The following LDLRAD4 variants were observed in gnomAD, a reference collection of about 807,000 sequenced individuals.
The protein encoded by LDLRAD4 is low density lipoprotein receptor class A domain containing 4.
Under a neutral mutation model 17.0 loss-of-function variants are expected in LDLRAD4, and 5 were observed. The ratio of observed to expected loss-of-function variants is 0.29; its 90% confidence interval spans 0.15 to 0.62. The LOEUF (loss-of-function observed/expected upper bound fraction) is 0.62, where lower values mean the gene tolerates loss of function less well. LDLRAD4 is among the 20% of genes least tolerant of loss of function. The pLI, the probability that LDLRAD4 is intolerant of heterozygous loss-of-function variation, is 0.84. For synonymous variants in LDLRAD4, 168 were observed against 171.8 expected (o/e 0.98, Z 0.17); for missense variants, 340 against 424.7 (o/e 0.80, Z 1.75).
At chr18:13,593,559 ATCTG>A (rs1399802988) in intron 3 of LDLRAD4, among the ~76,000 whole-genome samples, 7 of 151,028 alleles carry the variant, frequency 4.6e-5, no homozygotes, top group East Asian at 1.9e-4. Flanking sequence ...TTATCTATCT[ATCTG>A]TCTGTCCGTC....
intron 1 of LDLRAD4, among the ~76,000 whole-genome samples, chr18:13,379,240 A>G: frequency 6.6e-6 from 1 of 152,172 alleles, no homozygotes; most frequent in South Asian, 2.1e-4. Flanking sequence ...CATGTTTGAA[A>G]CAGTGTGGGG....
At chr18:13,426,789 T>C (rs2089970105) in intron 2 of LDLRAD4, among the ~76,000 whole-genome samples, 1 of 152,010 alleles carries the variant, frequency 6.6e-6, no homozygotes. Context: ...ATAAAAGAGG[T>C]ATGAAGATGC....
At chr18:13,564,580 TAAAAAAAAAAA>T (rs367805996) in intron 3 of LDLRAD4, among the ~76,000 whole-genome samples, 29 of 82,464 alleles carry the variant, frequency 3.5e-4, no homozygotes, top group Non-Finnish European at 6.2e-4. Flanking sequence ...TCCCATTTTC[TAAAAAAAAAAA>T]AAAAAAAAAA....
intron 1 of LDLRAD4, among the ~76,000 whole-genome samples, chr18:13,258,461 G>A (rs1393370640): frequency 6.6e-6 from 1 of 151,844 alleles, no homozygotes; most frequent in African/African-American, 2.4e-5. Flanking sequence ...GCCTCTATTT[G>A]AATATTTTAT....
At chr18:13,505,626 T>C (rs978082806) in intron 3 of LDLRAD4, among the ~76,000 whole-genome samples, 1 of 152,258 alleles carries the variant, frequency 6.6e-6, no homozygotes, top group East Asian at 1.9e-4. Context: ...GAGACCATCC[T>C]GGCTAGCACG....
chr18:13,340,001 T>G (rs1483598013), intron 1 of LDLRAD4, among the ~76,000 whole-genome samples: 1 of 152,198 alleles, frequency 6.6e-6, no homozygotes, highest in East Asian at 1.9e-4. Context: ...TGAATTTGAT[T>G]ACTCTAGGAG....
At chr18:13,291,933 AC>A (rs2045985834) in intron 1 of LDLRAD4, among the ~76,000 whole-genome samples, 1 of 152,122 alleles carries the variant, frequency 6.6e-6, no homozygotes, top group Non-Finnish European at 1.5e-5. Context: ...CTGCTTGGTT[AC>A]TTTTTGAGCC....
chr18:13,345,256 A>G (rs2082613590), intron 1 of LDLRAD4, among the ~76,000 whole-genome samples: 1 of 152,202 alleles, frequency 6.6e-6, no homozygotes, highest in African/African-American at 2.4e-5. Flanking sequence ...GATACATCCC[A>G]TGAATACCTA....
chr18:13,573,139 C>T (rs970100837), intron 3 of LDLRAD4, among the ~76,000 whole-genome samples: 6 of 152,176 alleles, frequency 3.9e-5, no homozygotes, highest in African/African-American at 1.2e-4. Flanking sequence ...GAGTCTCGCT[C>T]TGTTGCCCAG....
chr18:13,306,524 C>T (rs1273775851), intron 1 of LDLRAD4, among the ~76,000 whole-genome samples: 1 of 152,096 alleles, frequency 6.6e-6, no homozygotes, highest in Non-Finnish European at 1.5e-5. Context: ...CTCATATCAG[C>T]CTCTAGATCA....
intron 3 of LDLRAD4, among the ~76,000 whole-genome samples, chr18:13,533,381 T>C (rs528638955): frequency 2.6e-5 from 4 of 152,326 alleles, no homozygotes; most frequent in African/African-American, 9.6e-5. Context: ...AACATTGCAA[T>C]GAGCAGATCT....
intron 1 of LDLRAD4, among the ~76,000 whole-genome samples, chr18:13,227,042 C>G (rs1006503349): frequency 2.6e-5 from 4 of 152,112 alleles, no homozygotes; most frequent in Non-Finnish European, 5.9e-5. Flanking sequence ...TAGTCTTGCC[C>G]CTAAGGATGC....
intron 3 of LDLRAD4, among the ~76,000 whole-genome samples, chr18:13,528,216 A>G (rs1046195979): frequency 6.6e-6 from 1 of 152,232 alleles, no homozygotes; most frequent in African/African-American, 2.4e-5. Flanking sequence ...AGTGACTCCT[A>G]GCCCACATCT....
chr18:13,358,499 G>A (rs982631462), intron 1 of LDLRAD4, among the ~76,000 whole-genome samples: 4 of 152,046 alleles, frequency 2.6e-5, no homozygotes, highest in Non-Finnish European at 4.4e-5. Flanking sequence ...GGACATGGGG[G>A]ATGATGGTTA....
intron 1 of LDLRAD4, among the ~76,000 whole-genome samples, chr18:13,299,216 G>A (rs2046446300): frequency 1.3e-5 from 2 of 152,230 alleles, no homozygotes; most frequent in Non-Finnish European, 2.9e-5. Context: ...CCCTCTTTCT[G>A]AAATAGACAC....
At chr18:13,495,433 A>G (rs1348950129) in intron 3 of LDLRAD4, among the ~76,000 whole-genome samples, 5 of 152,216 alleles carry the variant, frequency 3.3e-5, no homozygotes, top group African/African-American at 1.2e-4. Flanking sequence ...TCAGTCAACA[A>G]ATGTTTTCTA....
At chr18:13,322,133 A>C (rs867151532) in intron 1 of LDLRAD4, among the ~76,000 whole-genome samples, 8 of 151,896 alleles carry the variant, frequency 5.3e-5, no homozygotes, top group African/African-American at 1.9e-4. Flanking sequence ...GTATTGCGAC[A>C]CACTTAACAT....
chr18:13,513,108 A>G (rs76106443), intron 3 of LDLRAD4, among the ~76,000 whole-genome samples: 3,480 of 152,316 alleles, frequency 0.023, 132 homozygotes, highest in African/African-American at 0.078. Flanking sequence ...CATAAGCTCC[A>G]TAAGTGTGCA....
intron 1 of LDLRAD4, among the ~76,000 whole-genome samples, chr18:13,234,685 A>G (rs1051335704): frequency 6.6e-5 from 10 of 152,176 alleles, no homozygotes; most frequent in Non-Finnish European, 1.3e-4. Context: ...AGGCTGAAGT[A>G]TGAGCAGCAG....
Sources: allele counts gnomAD v4.1 joint callset (sites outside exome capture counted in the v4.1 genomes callset), GRCh38; gene constraint gnomAD v4.1.1; transcripts MANE v1.5; gene names NCBI Gene and HGNC (gene_info 2026-07-23, HGNC 2026-07-21).